DMXL2: variants seen among roughly 807,000 people sequenced by gnomAD.
DMXL2 encodes Dmx like 2, also known as dmX-like protein 2.
Under a neutral mutation model 331.1 loss-of-function variants are expected in DMXL2, and 103 were observed. The ratio of observed to expected loss-of-function variants is 0.31; its 90% CI spans 0.27 to 0.37. The LOEUF (loss-of-function observed/expected upper bound fraction) is 0.37. Among genes scored for constraint, DMXL2 ranks in the 10% least tolerant of loss-of-function variants. DMXL2 has a pLI of 1.00. For synonymous variants in DMXL2, 1,281 were observed against 1,252.1 expected (o/e 1.02, Z -0.49); for missense variants, 3,171 against 3,642.9 (o/e 0.87, Z 3.33).
chr15:51,515,775 T>C (rs2047001310), intron 14 of DMXL2, among the ~76,000 whole-genome samples: 1 of 152,156 alleles, frequency 6.6e-6, no homozygotes, highest in Non-Finnish European at 1.5e-5. Context: ...TGTGTTAATA[T>C]CCCATGGTAA....
intron 1 of DMXL2, among the ~76,000 whole-genome samples, chr15:51,583,104 TTCTTTTTTTTTTTTTTC>T (rs1307328864): frequency 6.8e-5 from 4 of 58,564 alleles, no homozygotes; most frequent in Non-Finnish European, 1.1e-4. Context: ...TACTTCATTC[TTCTTTTTTTTTTTTTTC>T]TTTTTTTTTT....
rs781269637 is a variant in DMXL2, at chr15:51,480,812, G to A, written c.6294C>T (p.Ser2098=). 1.9e-5 allele frequency: 31 copies of A among 1,610,940 alleles called. No homozygotes were observed. In the South Asian group the frequency reaches 3.2e-4, roughly 17 times the overall value. Residue 2098 remains serine, a synonymous_variant, in exon 24 of 44, where the codon TCC becomes TCT. Coordinates refer to ENST00000560891, the MANE Select transcript of DMXL2 (RefSeq NM_001378457.1). ...CNHESVIKEY[S]SKTYSKVESD... ...TCTCTACTTTGGAATATGTCTTACT[G>A]GAATACTCTTTAATAACTGATTCAT...
chr15:51,519,209 T>C (rs1445002757), intron 13 of DMXL2, among the ~76,000 whole-genome samples: 1 of 152,126 alleles, frequency 6.6e-6, no homozygotes, highest in Non-Finnish European at 1.5e-5. Flanking sequence ...CTCCAACTCC[T>C]GGGCTCAAGT....
At chr15:51,453,459 G>A (rs2039337997) in intron 41 of DMXL2, 91 bp downstream of exon 41, 4 of 942,874 alleles carry the variant, frequency 4.2e-6, no homozygotes, top group Non-Finnish European at 6.1e-6. Flanking sequence ...TGCCTAGAGT[G>A]GAAAAACCCT....
intron 24 of DMXL2, 119 bp from the exon 25 acceptor site, chr15:51,480,258 A>G: frequency 9.3e-7 from 1 of 1,078,382 alleles, no homozygotes; most frequent in Non-Finnish European, 1.3e-6. Flanking sequence ...CTCATTCTAC[A>G]CAAATTTATT....
intron 1 of DMXL2, among the ~76,000 whole-genome samples, chr15:51,608,282 C>T (rs2053726914): frequency 6.6e-6 from 1 of 152,116 alleles, no homozygotes; most frequent in Admixed American, 6.6e-5. Context: ...ATCGTTATAC[C>T]ATGAAGACGC....
At chr15:51,468,969 G>A (rs539151096) in intron 29 of DMXL2, among the ~76,000 whole-genome samples, 1 of 152,222 alleles carries the variant, frequency 6.6e-6, no homozygotes, top group African/African-American at 2.4e-5. Flanking sequence ...AAGAGAGAGA[G>A]AGAGAGAGAG....
chr15:51,531,307 G>T (rs949260746), intron 13 of DMXL2, among the ~76,000 whole-genome samples: 1 of 152,132 alleles, frequency 6.6e-6, no homozygotes, highest in African/African-American at 2.4e-5. Flanking sequence ...AATAAATGGT[G>T]CCAGGAAAAC....
chr15:51,487,919 T>C, intron 22 of DMXL2, 35 bp downstream of exon 22: 3 of 1,484,212 alleles, frequency 2.0e-6, no homozygotes, highest in East Asian at 2.4e-5. Flanking sequence ...TTCAATCTTT[T>C]ACAAGTATTA....
intron 20 of DMXL2, among the ~76,000 whole-genome samples, chr15:51,489,407 A>G (rs2042629675): frequency 6.6e-6 from 1 of 152,146 alleles, no homozygotes; most frequent in Non-Finnish European, 1.5e-5. Flanking sequence ...CTGTAATCCC[A>G]GCATTTTGGG....
chr15:51,458,839 CTATT>C, intron 34 of DMXL2, 44 bp from the exon 35 acceptor site: 1 of 1,514,634 alleles, frequency 6.6e-7, no homozygotes, highest in East Asian at 2.3e-5. Context: ...CAGCACAGCT[CTATT>C]TAGAGTTATG....
chr15:51,524,415 G>A (rs2047551983), intron 13 of DMXL2, among the ~76,000 whole-genome samples: 2 of 151,994 alleles, frequency 1.3e-5, no homozygotes, highest in South Asian at 2.1e-4. Context: ...ACCACTATAC[G>A]AAAAAAAGCA....
Position 51,481,038 on chromosome 15 carries a change from G to A in DMXL2, c.6068C>T (p.Pro2023Leu). Reference sequence around the variant, plus strand: ...ACCTTCAGGATCATCCTCTTCCTGAGGTGTTAATAACATGTTAGGGTCTGA... The same window carrying A: ...ACCTTCAGGATCATCCTCTTCCTGAAGTGTTAATAACATGTTAGGGTCTGA... ...KASDPNMLLT[P>L]QEEDDPEGDT... The change falls in exon 24 of 44, where the codon CCT becomes CTT. Residue 2023 changes from proline to leucine, a missense_variant. Pro to Leu is a moderately conservative substitution (Grantham distance 98). This residue lies in a region of DMXL2 where 244 missense variants were observed against 251.4 expected (regional missense o/e 0.97). Transcript: ENST00000560891. 6.2e-7 allele frequency: 1 copy of A among 1,614,094 alleles called. No homozygotes were observed. Among genetic ancestry groups the A allele is most frequent in the Non-Finnish European group, 8.5e-7 (1 of 1,180,010 alleles).
intron 6 of DMXL2, among the ~76,000 whole-genome samples, chr15:51,562,626 G>A (rs1353774637): frequency 3.9e-5 from 6 of 152,098 alleles, no homozygotes; most frequent in Admixed American, 1.3e-4. Context: ...AGTCAAAGCA[G>A]TTCTAAGGAT....
At chr15:51,521,446 AGTAGTAGTAGTAGTAGTG>A (rs1457750030) in intron 13 of DMXL2, among the ~76,000 whole-genome samples, 1 of 149,596 alleles carries the variant, frequency 6.7e-6, no homozygotes, top group Non-Finnish European at 1.5e-5. Context: ...TAGTAGTAGT[AGTAGTAGTAGTAGTAGTG>A]GTAGTGGTAG....
intron 1 of DMXL2, among the ~76,000 whole-genome samples, chr15:51,594,618 G>A (rs1421321383): frequency 1.3e-5 from 2 of 152,026 alleles, no homozygotes; most frequent in Non-Finnish European, 2.9e-5. Context: ...CAAAAAAAGA[G>A]AATTTTAGAC....
intron 13 of DMXL2, among the ~76,000 whole-genome samples, chr15:51,522,275 A>G (rs2047421272): frequency 6.6e-6 from 1 of 152,246 alleles, no homozygotes; most frequent in South Asian, 2.1e-4. Context: ...AATGACTTCA[A>G]GTACTGTCTT....
chr15:51,529,593 A>G (rs2140824217), intron 13 of DMXL2, among the ~76,000 whole-genome samples: 1 of 152,330 alleles, frequency 6.6e-6, no homozygotes, highest in South Asian at 2.1e-4. Context: ...TAAAACAAGT[A>G]ACAAGATCAA....
rs1272652924 is a variant in DMXL2 at position 51,517,135 on chromosome 15, G to A, written c.2469C>T (p.Ser823=). The change falls in exon 14 of 44, where the codon AGC becomes AGT. Residue 823 remains serine (S), a synonymous_variant. Coordinates refer to ENST00000560891, the MANE Select transcript of DMXL2 (RefSeq NM_001378457.1). The part of the protein sequence containing the change: ...KLIGEVFNIV[S]QQSTARPGCI... ...AGCCAGGTCGAGCAGTAGACTGTTG[G>A]CTCACAATATTAAACACTTCTCCAA... 6.2e-7 allele frequency: 1 copy of A among 1,613,878 alleles called. No homozygotes were observed. Among genetic ancestry groups the A allele is most frequent in the East Asian group, 2.2e-5 (1 of 44,864 alleles).
Sources: gnomAD v4.1 joint callset for allele counts (sites outside exome capture counted in the v4.1 genomes callset) on GRCh38, gnomAD v4.1.1 for gene constraint, gnomAD v4.1.1 regional missense constraint, MANE v1.5 for transcripts, NCBI Gene and HGNC (gene_info 2026-07-23, HGNC 2026-07-21) for gene names.